The following GNA14 variants were observed in gnomAD, a reference collection of about 807,000 sequenced individuals.
GNA14 encodes the protein guanine nucleotide-binding protein subunit alpha-14.
In GNA14, 50 loss-of-function variants were observed where a neutral mutation model predicts 42.0. That is an observed-to-expected ratio of 1.19 (90% confidence interval 0.95 to 1.51). GNA14 has a LOEUF of 1.51. Among genes scored for constraint, GNA14 ranks in the 40% most tolerant of loss-of-function variants. The pLI, the probability that GNA14 is intolerant of heterozygous loss-of-function variation, is 0.00. For synonymous variants in GNA14, 173 were observed against 163.1 expected (o/e 1.06, Z -0.46); for missense variants, 473 against 446.2 (o/e 1.06, Z -0.54).
chr9:77,610,743 T>C (rs1823717172), intron 1 of GNA14, among the ~76,000 whole-genome samples: 2 of 152,208 alleles, frequency 1.3e-5, no homozygotes, highest in African/African-American at 2.4e-5. Context: ...CTGATACATA[T>C]TTCTGTTATA....
intron 5 of GNA14, 63 bp from the exon 6 acceptor site, chr9:77,425,778 G>A (rs1023102802): frequency 4.4e-5 from 51 of 1,164,432 alleles, no homozygotes; most frequent in South Asian, 2.3e-4. Context: ...ACAACATGGC[G>A]CATTGCCAGT....
rs573151199 is a variant in GNA14, at chr9:77,483,489, G to C, written c.309+45580C>G. On this transcript the variant is annotated intron_variant, in intron 2 of 6. Transcript: ENST00000341700. ...GGTGTCAGTCTGCCCGTAATAGGGG[G>C]TGCCTCCCAGTTAGGCTGCTCAGGG... Among the ~76,000 whole-genome samples the C allele has an allele frequency of 3.3e-4, 51 of 152,254 alleles. No homozygotes were observed. In the South Asian group the frequency reaches 4.8e-3, roughly 14 times the overall value.
At chr9:77,479,619 G>A (rs1286935304) in intron 2 of GNA14, among the ~76,000 whole-genome samples, 1 of 152,076 alleles carries the variant, frequency 6.6e-6, no homozygotes, top group Non-Finnish European at 1.5e-5. Flanking sequence ...TGGGCAGTAT[G>A]GCCATTTTCA....
intron 1 of GNA14, among the ~76,000 whole-genome samples, chr9:77,600,306 G>A (rs1399086578): frequency 2.6e-5 from 4 of 152,140 alleles, no homozygotes; most frequent in Non-Finnish European, 5.9e-5. Context: ...AGACGGTCAC[G>A]TCCCTATTTT....
chr9:77,426,053 A>T (rs1411623815), intron 5 of GNA14, among the ~76,000 whole-genome samples: 1 of 152,184 alleles, frequency 6.6e-6, no homozygotes, highest in East Asian at 1.9e-4. Flanking sequence ...TTCCTGTGTC[A>T]TGTGATCGTT....
At chr9:77,482,355 CT>C in intron 2 of GNA14, among the ~76,000 whole-genome samples, 1 of 152,264 alleles carries the variant, frequency 6.6e-6, no homozygotes, top group Admixed American at 6.5e-5. Context: ...GTTGAAAATT[CT>C]TTTCTTTAAG....
chr9:77,592,405 G>T (rs1331070122), intron 1 of GNA14, among the ~76,000 whole-genome samples: 6 of 152,196 alleles, frequency 3.9e-5, no homozygotes, highest in African/African-American at 7.2e-5. Flanking sequence ...TTTATTAGTT[G>T]TCAGAAATTG....
intron 1 of GNA14, among the ~76,000 whole-genome samples, chr9:77,617,129 C>T (rs137957957): frequency 7.9e-5 from 12 of 152,180 alleles, no homozygotes; most frequent in African/African-American, 2.9e-4. Flanking sequence ...CTTGGCCTCC[C>T]AAAGTGTTGG....
intron 2 of GNA14, among the ~76,000 whole-genome samples, chr9:77,502,425 G>T (rs60004149): frequency 0.18 from 26,855 of 152,128 alleles, 2,715 homozygotes; most frequent in East Asian, 0.34. Context: ...TCTGGCAGGG[G>T]AAGTCGGGGA....
At chr9:77,452,549 A>T (rs1294280003) in intron 2 of GNA14, among the ~76,000 whole-genome samples, 3 of 55,214 alleles carry the variant, frequency 5.4e-5, no homozygotes, top group African/African-American at 7.9e-5. Context: ...ACTGCACACA[A>T]GTGTGTGTGT....
chr9:77,488,953 A>T lies in GNA14; in HGVS notation c.309+40116T>A, dbSNP rs10118963. On this transcript the variant is annotated intron_variant, in intron 2 of 6. Coordinates refer to ENST00000341700, the MANE Select transcript of GNA14 (RefSeq NM_004297.4). The stretch of plus-strand genomic sequence containing the variant: ...AGCAAGGAGTCTGCAACTGACCCTA[A>T]TGAGATGGCAATATACAAACCGTCT... Among the ~76,000 whole-genome samples, 8 of 151,922 alleles carry T rather than the reference A, an allele frequency of 5.3e-5. No homozygotes were observed. The East Asian group carries it at 1.4e-3, about 26-fold the overall frequency.
At chr9:77,520,605 G>C (rs1837341527) in intron 2 of GNA14, among the ~76,000 whole-genome samples, 1 of 152,092 alleles carries the variant, frequency 6.6e-6, no homozygotes, top group African/African-American at 2.4e-5. Flanking sequence ...TTGCTCTGTT[G>C]CCCAGGCTGG....
intron 1 of GNA14, among the ~76,000 whole-genome samples, chr9:77,555,326 C>T (rs190117800): frequency 2.0e-5 from 3 of 152,048 alleles, no homozygotes; most frequent in Admixed American, 1.3e-4. Context: ...ACCAACATGG[C>T]GAAACTCGGT....
Position 77,434,472 on chromosome 9 carries a change from G to A in GNA14, c.360C>T (p.Leu120=), listed in dbSNP as rs776084432. Residue 120 remains leucine (L), a synonymous_variant, in exon 3 of 7, where the codon CTC becomes CTT. Coordinates refer to ENST00000341700, the MANE Select transcript of GNA14 (RefSeq NM_004297.4). ...TGATGGCCTCCACCTGCTCCCTGGAGAGCATGGAGACCTTGTCCACTTCCA... is the reference window on the plus strand; with the variant it reads ...TGATGGCCTCCACCTGCTCCCTGGAAAGCATGGAGACCTTGTCCACTTCCA... The part of the protein sequence containing the change: ...REVEVDKVSM[L]SREQVEAIKQ... The A allele has an allele frequency of 3.1e-6, 5 of 1,613,626 alleles. No individual in the cohort carries two copies. Among genetic ancestry groups the A allele is most frequent in the Non-Finnish European group, 4.2e-6 (5 of 1,179,654 alleles).
intron 2 of GNA14, among the ~76,000 whole-genome samples, chr9:77,526,102 G>A (rs1280157419): frequency 1.4e-5 from 2 of 146,154 alleles, no homozygotes; most frequent in Admixed American, 6.8e-5. Flanking sequence ...TTGGAGATGG[G>A]GTTTCACCAT....
intron 2 of GNA14, among the ~76,000 whole-genome samples, chr9:77,499,449 T>C (rs1425537042): frequency 6.6e-6 from 1 of 152,066 alleles, no homozygotes; most frequent in Non-Finnish European, 1.5e-5. Flanking sequence ...CTTTTCCATC[T>C]ACATTGTGTA....
intron 2 of GNA14, among the ~76,000 whole-genome samples, chr9:77,516,808 T>C (rs1396976507): frequency 6.6e-6 from 1 of 152,210 alleles, no homozygotes; most frequent in African/African-American, 2.4e-5. Flanking sequence ...AAGTTACACC[T>C]TTGTGGACAG....
chr9:77,573,185 A>T (rs1388801533), intron 1 of GNA14, among the ~76,000 whole-genome samples: 2 of 152,142 alleles, frequency 1.3e-5, no homozygotes, highest in African/African-American at 4.8e-5. Context: ...GCGGTGGCTC[A>T]CGCGTGTAAT....
rs1029738342 is a variant in GNA14, at chr9:77,529,273, G to A, written c.125-20C>T. On this transcript the variant is annotated intron_variant, in intron 1 of 6. Transcript: ENST00000341700. ...CAGTTCCTATAAGACAAAACAAGTG[G>A]AAAACGCTGTCAGCAGACTTCCAAA... The A allele has an allele frequency of 2.5e-6, 4 of 1,599,360 alleles. No individual in the cohort carries two copies. In the African/African-American group the frequency reaches 5.4e-5, roughly 21 times the overall value.
Sources: allele counts gnomAD v4.1 joint callset (sites outside exome capture counted in the v4.1 genomes callset), GRCh38; gene constraint gnomAD v4.1.1; transcripts MANE v1.5; gene names NCBI Gene and HGNC (gene_info 2026-07-23, HGNC 2026-07-21).